ANKRD30B: variants seen among roughly 807,000 people sequenced by gnomAD.
ANKRD30B encodes ankyrin repeat domain-containing protein 30B.
A neutral mutation model predicts 202.2 loss-of-function variants in ANKRD30B; 144 were observed. The observed-to-expected ratio is 0.71, with a 90% CI of 0.62 to 0.82. The LOEUF (loss-of-function observed/expected upper bound fraction) is 0.82. Ranked by LOEUF, ANKRD30B falls within the 40% of genes least tolerant of loss-of-function variation. ANKRD30B has a pLI of 0.00. For missense variants in ANKRD30B, 1,487 were observed against 1,669.1 expected, an observed-to-expected ratio of 0.89 and a Z score of 1.90; for synonymous variants, 508 against 561.3, an observed-to-expected ratio of 0.91 and a Z score of 1.34.
the ANKRD30B span, among the ~76,000 whole-genome samples, chr18:14,901,304 G>T: frequency 6.6e-6 from 1 of 152,178 alleles, no homozygotes; most frequent in Non-Finnish European, 1.5e-5. Flanking sequence ...TCATGAAAAA[G>T]ACCATAACAA....
chr18:14,873,082 T>C, the ANKRD30B span, among the ~76,000 whole-genome samples: 1 of 152,196 alleles, frequency 6.6e-6, no homozygotes, highest in East Asian at 1.9e-4. Context: ...ATAAATACTT[T>C]GCAGAAGTCT....
chr18:14,757,670 T>C, intron 4 of ANKRD30B, 145 bp from the exon 5 acceptor site: 1 of 883,842 alleles, frequency 1.1e-6, no homozygotes, highest in Non-Finnish European at 1.6e-6. Flanking sequence ...CCCTTCCTTT[T>C]AGATTTGGTG....
chr18:14,832,985 G>A (rs1285542097), intron 34 of ANKRD30B, among the ~76,000 whole-genome samples: 2 of 152,320 alleles, frequency 1.3e-5, no homozygotes, highest in South Asian at 4.1e-4. Flanking sequence ...CGCCCAGGTT[G>A]TAGTGCAGTG....
At chr18:14,847,101 G>GT (rs1225754795) in intron 39 of ANKRD30B, among the ~76,000 whole-genome samples, 7 of 109,212 alleles carry the variant, frequency 6.4e-5, no homozygotes, top group Non-Finnish European at 7.8e-5. Flanking sequence ...TATGTATAAT[G>GT]TTTTTTAGTT....
chr18:14,797,746 T>G, intron 19 of ANKRD30B, 36 bp from the exon 20 acceptor site: 1 of 1,599,228 alleles, frequency 6.3e-7, no homozygotes, highest in African/African-American at 1.3e-5. Flanking sequence ...GAAGTGTACA[T>G]TATATATTAA....
chr18:14,853,054 T>C (rs1971954309), intron 42 of ANKRD30B, among the ~76,000 whole-genome samples: 1 of 152,098 alleles, frequency 6.6e-6, no homozygotes, highest in Admixed American at 6.5e-5. Flanking sequence ...AATAATACCT[T>C]AGGACAAATG....
intron 36 of ANKRD30B, among the ~76,000 whole-genome samples, chr18:14,838,453 A>G (rs1318376520): frequency 1.3e-5 from 2 of 152,250 alleles, no homozygotes; most frequent in Admixed American, 1.3e-4. Flanking sequence ...AACATGAGAA[A>G]TAGGACACCT....
chr18:14,881,542 TC>T, the ANKRD30B span, among the ~76,000 whole-genome samples: 1 of 152,170 alleles, frequency 6.6e-6, no homozygotes, highest in Non-Finnish European at 1.5e-5. Flanking sequence ...TCTGTAGTTT[TC>T]TTTTTTGGTT....
intron 15 of ANKRD30B, 141 bp from the exon 16 acceptor site, chr18:14,791,260 C>T: frequency 1.6e-6 from 1 of 632,966 alleles, no homozygotes; most frequent in South Asian, 2.0e-5. Context: ...TTTTGATTTT[C>T]TATACGTGTG....
chr18:14,823,579 G>A (rs12953405), intron 32 of ANKRD30B, among the ~76,000 whole-genome samples: 19,189 of 151,946 alleles, frequency 0.13, 1,453 homozygotes, highest in East Asian at 0.27. Flanking sequence ...TGACTCTAAA[G>A]CACTTGGCCT....
chr18:14,855,745 G>T (rs1170305694), downstream of ANKRD30B, among the ~76,000 whole-genome samples: 1 of 150,440 alleles, frequency 6.6e-6, no homozygotes, highest in African/African-American at 2.5e-5. Flanking sequence ...ACCAAGGGGG[G>T]CAGCCAGGCA....
rs146846742 is a variant in ANKRD30B at position 14,809,615 on chromosome 18, T to C, written c.2387-371T>C. Among the ~76,000 whole-genome samples, 524 of 150,924 alleles carry C rather than the reference T, an allele frequency of 3.5e-3. 33 individuals are homozygous for C. The highest frequency in any genetic ancestry group is 0.012 in the African/African-American group (471 of 40,834). ...GCTATGAACATATGCCTTTCTGGGATAGGAATCTTGGTGATGCAAAACCTC... is the reference window on the plus strand; with the variant it reads ...GCTATGAACATATGCCTTTCTGGGACAGGAATCTTGGTGATGCAAAACCTC... On this transcript the variant is annotated intron_variant, in intron 26 of 43. Coordinates refer to ENST00000690538, the MANE Select transcript of ANKRD30B (RefSeq NM_001367607.2).
At chr18:14,769,819 C>G (rs143826830) in intron 8 of ANKRD30B, among the ~76,000 whole-genome samples, 2 of 152,286 alleles carry the variant, frequency 1.3e-5, no homozygotes, top group Non-Finnish European at 2.9e-5. Context: ...ATACTTTGTT[C>G]TAACATGTTT....
At chr18:14,774,911 A>G (rs1169870605) in intron 9 of ANKRD30B, among the ~76,000 whole-genome samples, 2 of 151,998 alleles carry the variant, frequency 1.3e-5, no homozygotes, top group Non-Finnish European at 2.9e-5. Context: ...GCAGATCACG[A>G]GGTCAGGAGA....
At chr18:14,753,528 A>G (rs1335063139) in intron 3 of ANKRD30B, among the ~76,000 whole-genome samples, 1 of 152,146 alleles carries the variant, frequency 6.6e-6, no homozygotes, top group Non-Finnish European at 1.5e-5. Context: ...TTGCCTCTGT[A>G]AATATTTCAG....
At chr18:14,862,666 C>T in the ANKRD30B span, among the ~76,000 whole-genome samples, 80,042 of 151,924 alleles carry the variant, frequency 0.53, 21,333 homozygotes, top group African/African-American at 0.55. Context: ...GGAATGGGGC[C>T]GCCACCTCGA....
the ANKRD30B span, among the ~76,000 whole-genome samples, chr18:14,860,921 G>C: frequency 6.6e-6 from 1 of 152,050 alleles, no homozygotes; most frequent in Non-Finnish European, 1.5e-5. Flanking sequence ...GGCTGGTCTT[G>C]AACTGCTGAC....
rs371483401 is a variant in ANKRD30B at position 14,763,984 on chromosome 18, A to T, written c.1119A>T (p.Glu373Asp). 6.2e-7 allele frequency: 1 copy of T among 1,602,836 alleles called. No individual in the cohort carries two copies. Among genetic ancestry groups the T allele is most frequent in the Non-Finnish European group, 8.5e-7 (1 of 1,174,746 alleles). ...WEEKETSVKT[E>D]CVAGVTPNKT... ...AAAAAGAAACATCTGTAAAGACTGA[A>T]TGCGTGGCAGGAGTAACACCTAATA... Residue 373 changes from glutamate to aspartate, a missense_variant, in exon 7 of 44, where the codon GAA (glutamate) becomes GAT (aspartate). Coordinates refer to ENST00000690538, the MANE Select transcript of ANKRD30B (RefSeq NM_001367607.2).
the ANKRD30B span, among the ~76,000 whole-genome samples, chr18:14,894,287 T>C: frequency 6.6e-6 from 1 of 152,240 alleles, no homozygotes; most frequent in African/African-American, 2.4e-5. Context: ...TTTCAGAATT[T>C]TAGGTGTCCC....
Sources: allele counts gnomAD v4.1 joint callset (sites outside exome capture counted in the v4.1 genomes callset), GRCh38; gene constraint gnomAD v4.1.1; transcripts MANE v1.5; gene names NCBI Gene and HGNC (gene_info 2026-07-23, HGNC 2026-07-21).